Variants in NTM observed in about 807,000 individuals in gnomAD.
NTM encodes the protein IgLON family member 2.
NTM carries 13 observed loss-of-function variants against 42.1 expected under a neutral mutation model. That is an observed-to-expected ratio of 0.31 (90% CI 0.20 to 0.49). The LOEUF is 0.49. NTM is among the 20% of genes least tolerant of loss of function. The probability of loss-of-function intolerance (pLI) is 0.99; values close to 1 mark genes in which losing one functional copy is unlikely to be tolerated. For synonymous variants in NTM, 187 were observed against 179.2 expected (o/e 1.04, Z -0.35); for missense variants, 373 against 452.8 (o/e 0.82, Z 1.60).
At chr11:132,268,704 G>C (rs1371262943) in intron 4 of NTM, among the ~76,000 whole-genome samples, 3 of 144,554 alleles carry the variant, frequency 2.1e-5, no homozygotes, top group Non-Finnish European at 4.6e-5. Flanking sequence ...GTGTGTTTTA[G>C]ATAGTGCGTT....
At chr11:131,949,270 T>C (rs1176907191) in intron 2 of NTM, among the ~76,000 whole-genome samples, 1 of 152,240 alleles carries the variant, frequency 6.6e-6, no homozygotes, top group Non-Finnish European at 1.5e-5. Flanking sequence ...TTAGGTTGTT[T>C]ACACATCTTG....
intron 2 of NTM, among the ~76,000 whole-genome samples, chr11:131,954,219 A>G (rs1351169007): frequency 6.6e-6 from 1 of 152,230 alleles, no homozygotes; most frequent in Non-Finnish European, 1.5e-5. Flanking sequence ...CATTGTAAGT[A>G]GCACAGGACG....
At chr11:132,294,237 C>T (rs769217541) in intron 4 of NTM, among the ~76,000 whole-genome samples, 2 of 152,084 alleles carry the variant, frequency 1.3e-5, no homozygotes, top group Middle Eastern at 3.2e-3. Flanking sequence ...CTCTGTTTGA[C>T]GTGCAATTTT....
chr11:131,819,961 T>G (rs1008344606), intron 1 of NTM, among the ~76,000 whole-genome samples: 2 of 152,220 alleles, frequency 1.3e-5, no homozygotes, highest in Non-Finnish European at 2.9e-5. Context: ...GACACTCGCC[T>G]TCGTGGCACA....
At position 131,755,692 on chromosome 11, in the gene NTM, T is replaced by G. The variant is rs551654053; in HGVS notation, c.83-155872T>G. ...ATTCATGTGTGGAAGGATTTTCTTT[T>G]GAACATGTTTTGCATTTTATAAAGC... On this transcript the variant is annotated intron_variant, in intron 1 of 8. Transcript: ENST00000683400. Among the ~76,000 whole-genome samples, 105 of 152,342 alleles carry G rather than the reference T, an allele frequency of 6.9e-4. 2 individuals are homozygous for G. Among genetic ancestry groups the G allele is most frequent in the African/African-American group, 2.4e-3 (98 of 41,580 alleles).
chr11:131,663,257 T>G (rs1317426218), intron 1 of NTM: 1 of 152,262 alleles, frequency 6.6e-6, no homozygotes, highest in Non-Finnish European at 1.5e-5. Flanking sequence ...CCAAGATATA[T>G]GTGTCCTGTT....
chr11:131,394,365 C>T (rs910886203), intron 1 of NTM, among the ~76,000 whole-genome samples: 27 of 152,200 alleles, frequency 1.8e-4, no homozygotes, highest in African/African-American at 6.0e-4. Flanking sequence ...CCACCCCTGC[C>T]CCCCAGCCTT....
intron 1 of NTM, among the ~76,000 whole-genome samples, chr11:131,386,751 G>A (rs1004526539): frequency 6.6e-6 from 1 of 152,226 alleles, no homozygotes. Context: ...GACAGCTGAT[G>A]AGTGAACCAG....
At chr11:132,114,886 T>C (rs1337420796) in intron 2 of NTM, among the ~76,000 whole-genome samples, 1 of 152,168 alleles carries the variant, frequency 6.6e-6, no homozygotes, top group Non-Finnish European at 1.5e-5. Flanking sequence ...TTAGCTATTG[T>C]GACTAATGCT....
chr11:131,402,354 G>A (rs1945337213), intron 1 of NTM, among the ~76,000 whole-genome samples: 1 of 151,096 alleles, frequency 6.6e-6, no homozygotes. Flanking sequence ...ATGGTTAATG[G>A]AGAAAATTGC....
At chr11:131,878,823 C>A (rs1184348540) in intron 1 of NTM, among the ~76,000 whole-genome samples, 1 of 151,594 alleles carries the variant, frequency 6.6e-6, no homozygotes, top group Non-Finnish European at 1.5e-5. Flanking sequence ...AGTAATATCT[C>A]TTTAACGATG....
intron 4 of NTM, among the ~76,000 whole-genome samples, chr11:132,257,851 C>T (rs1032500552): frequency 1.3e-5 from 2 of 152,168 alleles, no homozygotes; most frequent in African/African-American, 4.8e-5. Flanking sequence ...TCTCCCTGCT[C>T]CCCGTGAGAC....
At position 131,932,805 on chromosome 11, in the gene NTM, G is replaced by A. The variant is rs2058775996; in HGVS notation, c.167+21157G>A. On this transcript the variant is annotated intron_variant, in intron 2 of 8. Coordinates refer to ENST00000683400, the MANE Select transcript of NTM (RefSeq NM_001352005.2). Reference sequence around the variant, plus strand: ...CTGCAGGAGGTACAGAGGCTGGTTGGAACAGCCGATCCTTGGGGCATCTTT... The same window carrying A: ...CTGCAGGAGGTACAGAGGCTGGTTGAAACAGCCGATCCTTGGGGCATCTTT... Among the ~76,000 whole-genome samples the A allele has an allele frequency of 2.6e-5, 4 of 152,216 alleles. No individual in the cohort carries two copies. The South Asian group carries it at 8.3e-4, about 32-fold the overall frequency.
At chr11:131,479,716 T>C (rs1235796436) in intron 1 of NTM, among the ~76,000 whole-genome samples, 2 of 152,082 alleles carry the variant, frequency 1.3e-5, no homozygotes, top group Non-Finnish European at 2.9e-5. Flanking sequence ...TCTGGGGCTG[T>C]GGCAGCAGGG....
At chr11:131,916,027 C>T (rs1427983469) in intron 2 of NTM, among the ~76,000 whole-genome samples, 1 of 152,156 alleles carries the variant, frequency 6.6e-6, no homozygotes, top group African/African-American at 2.4e-5. Flanking sequence ...GGCTTGGGTC[C>T]AACTGGAAAA....
At chr11:131,495,933 A>G (rs951013472) in intron 1 of NTM, among the ~76,000 whole-genome samples, 2 of 152,256 alleles carry the variant, frequency 1.3e-5, no homozygotes, top group African/African-American at 4.8e-5. Flanking sequence ...TCAGTTTATC[A>G]AAAGGATGTT....
intron 1 of NTM, among the ~76,000 whole-genome samples, chr11:131,566,332 G>T (rs957592822): frequency 1.3e-5 from 2 of 152,112 alleles, no homozygotes; most frequent in African/African-American, 4.8e-5. Context: ...CCTTTACAAG[G>T]ATGTAAAAAC....
intron 1 of NTM, among the ~76,000 whole-genome samples, chr11:131,407,491 C>T (rs1171399321): frequency 6.6e-6 from 1 of 152,240 alleles, no homozygotes; most frequent in East Asian, 1.9e-4. Context: ...ACATGCAGAA[C>T]ATATGTGGGA....
At chr11:131,632,896 A>G (rs958288447) in intron 1 of NTM, among the ~76,000 whole-genome samples, 6 of 151,446 alleles carry the variant, frequency 4.0e-5, no homozygotes. Flanking sequence ...GATGGTCTCG[A>G]TCTCCTGACC....
Sources: allele counts gnomAD v4.1 joint callset (sites outside exome capture counted in the v4.1 genomes callset), GRCh38; gene constraint gnomAD v4.1.1; transcripts MANE v1.5; gene names NCBI Gene and HGNC (gene_info 2026-07-23, HGNC 2026-07-21).